The following CNTN6 variants were observed in gnomAD, a reference collection of about 807,000 sequenced individuals.
CNTN6 encodes contactin-6.
In CNTN6, 137 loss-of-function variants were observed where a neutral mutation model predicts 122.8. The observed-to-expected ratio is 1.12, with a 90% CI of 0.97 to 1.29. CNTN6 has a LOEUF of 1.29. Ranked by LOEUF, CNTN6 falls within the 50% of genes most tolerant of loss-of-function variation. The pLI is 0.00. For synonymous variants in CNTN6, 570 were observed against 426.0 expected (o/e 1.34, Z -4.16); for missense variants, 1,634 against 1,223.4 (o/e 1.34, Z -5.01).
At chr3:1,296,221 G>A (rs1159247271) in intron 6 of CNTN6, among the ~76,000 whole-genome samples, 2 of 151,246 alleles carry the variant, frequency 1.3e-5, no homozygotes, top group Admixed American at 6.6e-5. Context: ...CCCTTTTTTT[G>A]TTGTTCACCC....
chr3:1,308,684 T>G (rs1247636383), intron 7 of CNTN6, among the ~76,000 whole-genome samples: 1 of 152,082 alleles, frequency 6.6e-6, no homozygotes, highest in East Asian at 1.9e-4. Context: ...CTCCTCCACT[T>G]ACTGATCAGT....
chr3:1,142,755 A>T (rs1045658572), intron 1 of CNTN6, among the ~76,000 whole-genome samples: 14 of 151,890 alleles, frequency 9.2e-5, no homozygotes, highest in African/African-American at 3.4e-4. Context: ...TTTATTTACC[A>T]AAAAAAGGCA....
intron 2 of CNTN6, among the ~76,000 whole-genome samples, chr3:1,171,506 T>TA (rs553098064): frequency 6.6e-5 from 10 of 152,302 alleles, no homozygotes; most frequent in South Asian, 6.2e-4. Flanking sequence ...TGCCTGTACT[T>TA]ATAAATGCCA....
At chr3:1,226,061 T>A (rs1004261341) in intron 3 of CNTN6, among the ~76,000 whole-genome samples, 1 of 152,194 alleles carries the variant, frequency 6.6e-6, no homozygotes, top group Non-Finnish European at 1.5e-5. Context: ...GTATTTTTAG[T>A]AGAGGCGGGG....
chr3:1,314,402 C>G (rs985104980), intron 7 of CNTN6, among the ~76,000 whole-genome samples: 1 of 152,086 alleles, frequency 6.6e-6, no homozygotes, highest in East Asian at 1.9e-4. Flanking sequence ...TCTTAAGAAA[C>G]TCATTCTCTG....
chr3:1,228,782 G>C (rs546902228), intron 4 of CNTN6, among the ~76,000 whole-genome samples: 1 of 152,278 alleles, frequency 6.6e-6, no homozygotes, highest in East Asian at 1.9e-4. Context: ...TGTCTATACT[G>C]TCTGTTACTT....
intron 2 of CNTN6, among the ~76,000 whole-genome samples, chr3:1,186,348 C>T (rs1006624879): frequency 6.6e-6 from 1 of 151,960 alleles, no homozygotes; most frequent in Non-Finnish European, 1.5e-5. Flanking sequence ...CCGATTTTCA[C>T]AGATGGCTTC....
chr3:1,257,859 A>G (rs2094784821), intron 4 of CNTN6, among the ~76,000 whole-genome samples: 1 of 152,154 alleles, frequency 6.6e-6, no homozygotes, highest in Admixed American at 6.6e-5. Context: ...CTAGATACTA[A>G]TGGTTTCTGA....
At chr3:1,346,137 G>A (rs1704652768) in intron 11 of CNTN6, among the ~76,000 whole-genome samples, 1 of 152,028 alleles carries the variant, frequency 6.6e-6, no homozygotes, top group South Asian at 2.1e-4. Flanking sequence ...TCTGTTTTCT[G>A]TATGTAAATA....
rs566777481 is a variant in CNTN6 at position 1,352,155 on chromosome 3, T to C, written c.1365-169T>C. On this transcript the variant is annotated intron_variant, in intron 11 of 22. Transcript: ENST00000446702. Reference sequence around the variant, plus strand: ...AAAGCAAATGCCATTTACTGTAATATGTAGACTCAGAGATAGCTCACAATG... The same window carrying C: ...AAAGCAAATGCCATTTACTGTAATACGTAGACTCAGAGATAGCTCACAATG... Among the ~76,000 whole-genome samples the C allele has an allele frequency of 5.9e-5, 9 of 151,968 alleles. No individual in the cohort carries two copies. The South Asian group carries it at 1.9e-3, about 32-fold the overall frequency.
At chr3:1,278,956 G>A (rs1692900348) in intron 5 of CNTN6, among the ~76,000 whole-genome samples, 1 of 152,184 alleles carries the variant, frequency 6.6e-6, no homozygotes, top group Non-Finnish European at 1.5e-5. Flanking sequence ...ATTGAGTAGT[G>A]TAATAACTAA....
At chr3:1,245,321 T>TA (rs1422507263) in intron 4 of CNTN6, among the ~76,000 whole-genome samples, 1 of 43,928 alleles carries the variant, frequency 2.3e-5, no homozygotes, top group African/African-American at 1.0e-4. Context: ...TATATATATA[T>TA]ATATATATAT....
chr3:1,214,874 G>A lies in CNTN6; in HGVS notation c.56-5813G>A, dbSNP rs548928212. On this transcript the variant is annotated intron_variant, in intron 2 of 22. Coordinates refer to ENST00000446702, the MANE Select transcript of CNTN6 (RefSeq NM_001289080.2). ...TGGGCTCAAGTGATTCTCTCACTTCGTCTCCCAAGTAGCTGGGACTACAAG... is the reference window on the plus strand; with the variant it reads ...TGGGCTCAAGTGATTCTCTCACTTCATCTCCCAAGTAGCTGGGACTACAAG... Among the ~76,000 whole-genome samples the A allele has an allele frequency of 2.2e-3, 334 of 152,114 alleles. 3 individuals are homozygous for A. The highest frequency in any genetic ancestry group is 3.6e-3 in the Admixed American group (55 of 15,276).
chr3:1,318,144 GAA>G (rs1249761415), intron 7 of CNTN6, among the ~76,000 whole-genome samples: 1 of 151,484 alleles, frequency 6.6e-6, no homozygotes, highest in Non-Finnish European at 1.5e-5. Context: ...GAAAAAGAAA[GAA>G]AATTCTAGAG....
chr3:1,159,003 C>T (rs2093059583), intron 2 of CNTN6, among the ~76,000 whole-genome samples: 1 of 145,008 alleles, frequency 6.9e-6, no homozygotes, highest in African/African-American at 2.6e-5. Context: ...CTTGCTAATT[C>T]TTAAACTCCT....
chr3:1,250,670 C>T (rs190447530), intron 4 of CNTN6, among the ~76,000 whole-genome samples: 1 of 152,264 alleles, frequency 6.6e-6, no homozygotes, highest in East Asian at 1.9e-4. Context: ...AACCCACTTC[C>T]CAATCCTCCG....
At chr3:1,204,242 G>T (rs1199724055) in intron 2 of CNTN6, among the ~76,000 whole-genome samples, 1 of 152,100 alleles carries the variant, frequency 6.6e-6, no homozygotes, top group Non-Finnish European at 1.5e-5. Context: ...ATATCTCAAT[G>T]ATAATAATAG....
At chr3:1,102,440 G>C (rs1179641393) in intron 1 of CNTN6, among the ~76,000 whole-genome samples, 2 of 152,212 alleles carry the variant, frequency 1.3e-5, no homozygotes, top group Non-Finnish European at 2.9e-5. Context: ...AATAAATTAA[G>C]AACAGTCCTG....
intron 12 of CNTN6, among the ~76,000 whole-genome samples, chr3:1,355,981 G>A (rs1362004147): frequency 6.6e-6 from 1 of 151,732 alleles, no homozygotes; most frequent in Non-Finnish European, 1.5e-5. Context: ...CATTGTGAGT[G>A]CAATTAGCAG....
Sources: allele counts gnomAD v4.1 joint callset (sites outside exome capture counted in the v4.1 genomes callset), GRCh38; gene constraint gnomAD v4.1.1; transcripts MANE v1.5; gene names NCBI Gene and HGNC (gene_info 2026-07-23, HGNC 2026-07-21).